The following MRPS35 variants were observed in gnomAD, a reference collection of about 807,000 sequenced individuals.
MRPS35 encodes mitochondrial ribosomal protein S35.
Under a neutral mutation model 32.7 loss-of-function variants are expected in MRPS35, and 29 were observed. That is an observed-to-expected ratio of 0.89 (90% confidence interval 0.66 to 1.21). The LOEUF is 1.21. Ranked by LOEUF, MRPS35 falls within the 50% of genes most tolerant of loss-of-function variation. The probability of loss-of-function intolerance (pLI) is 0.00; values close to 1 mark genes in which losing one functional copy is unlikely to be tolerated. For missense variants in MRPS35, 373 were observed against 383.8 expected (o/e 0.97, Z 0.23); for synonymous variants, 148 against 139.3 (o/e 1.06, Z -0.44).
Position 27,744,893 on chromosome 12 carries a change from A to G in MRPS35, c.702+7285A>G, listed in dbSNP as rs559432337. ...TTTTTTTTAACTCTGTGCTGCTTCA[A>G]TGATCACCTTGCATTAACATAAAAA... On this transcript the variant is annotated intron_variant, in intron 7 of 7. Transcript: ENST00000081029. Among the ~76,000 whole-genome samples the G allele has an allele frequency of 3.0e-3, 455 of 152,276 alleles. 2 individuals are homozygous for G. The highest frequency in any genetic ancestry group is 9.8e-3 in the African/African-American group (405 of 41,538).
intron 5 of MRPS35, among the ~76,000 whole-genome samples, chr12:27,730,611 A>G (rs2061918574): frequency 6.6e-6 from 1 of 152,010 alleles, no homozygotes; most frequent in South Asian, 2.1e-4. Context: ...CACCACGGCT[A>G]GCTAGTTTTC....
intron 7 of MRPS35, among the ~76,000 whole-genome samples, chr12:27,754,902 A>G (rs1026835740): frequency 2.0e-5 from 3 of 152,278 alleles, no homozygotes; most frequent in African/African-American, 7.2e-5. Context: ...GATTGTAATT[A>G]TGTGGATAGA....
At chr12:27,732,042 A>G (rs1277958063) in intron 5 of MRPS35, among the ~76,000 whole-genome samples, 1 of 152,230 alleles carries the variant, frequency 6.6e-6, no homozygotes, top group African/African-American at 2.4e-5. Context: ...AAAAAAAAGA[A>G]TTGAAAGTTC....
chr12:27,738,369 TC>T (rs1301686254), intron 7 of MRPS35, among the ~76,000 whole-genome samples: 59 of 152,338 alleles, frequency 3.9e-4, no homozygotes, highest in African/African-American at 1.2e-3. Flanking sequence ...ATATCAGTGT[TC>T]AAAAAGTTTT....
intron 6 of MRPS35, 62 bp from the exon 7 acceptor site, chr12:27,737,477 T>A: frequency 8.0e-7 from 1 of 1,246,170 alleles, no homozygotes; most frequent in Non-Finnish European, 1.2e-6. Context: ...TTGCATATTT[T>A]GCAAATTTTT....
intron 1 of MRPS35, 39 bp downstream of exon 1, chr12:27,710,994 G>A (rs753448887): frequency 7.0e-6 from 11 of 1,575,698 alleles, no homozygotes; most frequent in East Asian, 4.6e-5. Flanking sequence ...TTTGGGGGAG[G>A]TGCAAGAGCG....
At chr12:27,740,838 C>T (rs2061961887) in intron 7 of MRPS35, among the ~76,000 whole-genome samples, 1 of 152,116 alleles carries the variant, frequency 6.6e-6, no homozygotes, top group Admixed American at 6.6e-5. Context: ...TATTTCAGTG[C>T]TGGGAAGGTG....
At position 27,748,627 on chromosome 12, in the gene MRPS35, G is replaced by T. The variant is rs150802511; in HGVS notation, c.703-6554G>T. On this transcript the variant is annotated intron_variant, in intron 7 of 7. Coordinates refer to ENST00000081029, the MANE Select transcript of MRPS35 (RefSeq NM_021821.4). Reference sequence around the variant, plus strand: ...TTGCCCCCAGTAATTTGAATATGCTGTTGTTTGTGCTTTAAAATTAATATA... The same window carrying T: ...TTGCCCCCAGTAATTTGAATATGCTTTTGTTTGTGCTTTAAAATTAATATA... Among the ~76,000 whole-genome samples, 39 of 152,146 alleles carry T rather than the reference G, an allele frequency of 2.6e-4. No homozygotes were observed. In the East Asian group the frequency reaches 6.4e-3, roughly 25 times the overall value.
intron 7 of MRPS35, among the ~76,000 whole-genome samples, chr12:27,740,544 T>C (rs1262321225): frequency 1.3e-5 from 2 of 152,178 alleles, no homozygotes; most frequent in African/African-American, 4.8e-5. Context: ...TGTTGGATTA[T>C]AGGCATGAGC....
At chr12:27,721,824 A>G (rs1211189180) in intron 4 of MRPS35, among the ~76,000 whole-genome samples, 1 of 152,144 alleles carries the variant, frequency 6.6e-6, no homozygotes, top group African/African-American at 2.4e-5. Context: ...TCATGCTTTT[A>G]ATTCCACAGT....
intron 4 of MRPS35, 107 bp from the exon 5 acceptor site, chr12:27,723,940 C>T: frequency 9.3e-7 from 1 of 1,080,060 alleles, no homozygotes; most frequent in Non-Finnish European, 1.3e-6. Context: ...TCTGTTCTTT[C>T]ATGTAACTTG....
chr12:27,738,660 G>T (rs1328187302), intron 7 of MRPS35, among the ~76,000 whole-genome samples: 3 of 152,064 alleles, frequency 2.0e-5, no homozygotes, highest in Non-Finnish European at 2.9e-5. Flanking sequence ...CAACACAGGG[G>T]ACTCAATAGC....
rs1020174842 is a variant in MRPS35 at position 27,741,243 on chromosome 12, C to T, written c.702+3635C>T. Reference sequence around the variant, plus strand: ...GATTTGGTGTCCTATTTTAGTATTACGTATTGTTAGCATTGGAATGAATTT... The same window carrying T: ...GATTTGGTGTCCTATTTTAGTATTATGTATTGTTAGCATTGGAATGAATTT... On this transcript the variant is annotated intron_variant, in intron 7 of 7. Transcript: ENST00000081029. 1.8e-4 allele frequency among the ~76,000 whole-genome samples: 28 copies of T among 152,112 alleles called. 1 individual carries two copies. Among genetic ancestry groups the T allele is most frequent in the East Asian group, 7.7e-4 (4 of 5,188 alleles).
chr12:27,740,649 T>C (rs1343357422), intron 7 of MRPS35, among the ~76,000 whole-genome samples: 1 of 152,192 alleles, frequency 6.6e-6, no homozygotes, highest in East Asian at 1.9e-4. Context: ...TTTATGTAGC[T>C]TGTAGTACTG....
intron 1 of MRPS35, among the ~76,000 whole-genome samples, chr12:27,711,294 A>G (rs2061821381): frequency 1.3e-5 from 2 of 152,032 alleles, no homozygotes; most frequent in South Asian, 4.2e-4. Context: ...GCGCTGTTGA[A>G]CCATGGATTT....
intron 5 of MRPS35, among the ~76,000 whole-genome samples, chr12:27,730,410 C>T (rs1031767529): frequency 1.3e-5 from 2 of 152,158 alleles, no homozygotes; most frequent in Non-Finnish European, 2.9e-5. Flanking sequence ...GTGCCATTCT[C>T]ATCACATCAT....
chr12:27,723,150 T>TA (rs1185520138), intron 4 of MRPS35, among the ~76,000 whole-genome samples: 1 of 152,330 alleles, frequency 6.6e-6, no homozygotes. Flanking sequence ...TGGACAGCCT[T>TA]ATAGTGCCAG....
chr12:27,737,826 T>C (rs1039041911), intron 7 of MRPS35, among the ~76,000 whole-genome samples: 18 of 152,218 alleles, frequency 1.2e-4, no homozygotes, highest in African/African-American at 4.3e-4. Flanking sequence ...TAAAATCATA[T>C]TCCTAAAATG....
intron 7 of MRPS35, among the ~76,000 whole-genome samples, chr12:27,747,847 T>G (rs1426245285): frequency 6.6e-6 from 1 of 152,220 alleles, no homozygotes; most frequent in Admixed American, 6.5e-5. Context: ...GTTATGTTAT[T>G]ATATTTTTTG....
Sources: allele counts gnomAD v4.1 joint callset (sites outside exome capture counted in the v4.1 genomes callset), GRCh38; gene constraint gnomAD v4.1.1; transcripts MANE v1.5; gene names NCBI Gene and HGNC (gene_info 2026-07-23, HGNC 2026-07-21).